The following IMMP2L variants were observed in gnomAD, a reference collection of about 807,000 sequenced individuals.
The protein encoded by IMMP2L is inner mitochondrial membrane peptidase subunit 2.
IMMP2L carries 18 observed loss-of-function variants against 19.3 expected under a neutral mutation model. The ratio of observed to expected loss-of-function variants is 0.93; its 90% CI spans 0.64 to 1.38. The LOEUF is 1.38. Ranked by LOEUF, IMMP2L falls within the 40% of genes most tolerant of loss-of-function variation. The pLI is 0.00. For missense variants in IMMP2L, 233 were observed against 218.2 expected (o/e 1.07, Z -0.43); for synonymous variants, 76 against 73.0 (o/e 1.04, Z -0.21).
At chr7:110,823,208 G>C (rs1238960091) in intron 5 of IMMP2L, among the ~76,000 whole-genome samples, 1 of 151,982 alleles carries the variant, frequency 6.6e-6, no homozygotes, top group African/African-American at 2.4e-5. Flanking sequence ...TATTCAAATT[G>C]AATTGACTTT....
At chr7:111,338,327 TC>T (rs989083256) in intron 3 of IMMP2L, among the ~76,000 whole-genome samples, 10 of 151,508 alleles carry the variant, frequency 6.6e-5, no homozygotes, top group Admixed American at 1.3e-4. Flanking sequence ...AGCACGTTCC[TC>T]CCCCCCTTTT....
At position 111,477,665 on chromosome 7, in the gene IMMP2L, G is replaced by A. The variant is rs183046104; in HGVS notation, c.239+9573C>T. Among the ~76,000 whole-genome samples, 419 of 152,140 alleles carry A rather than the reference G, an allele frequency of 2.8e-3. 3 individuals carry two copies. The highest frequency in any genetic ancestry group is 7.8e-3 in the African/African-American group (323 of 41,510). On this transcript the variant is annotated intron_variant, in intron 3 of 5. Transcript: ENST00000405709. ...TGTAATCTCAGCACTATGGGAGGCC[G>A]AGGCAGGCAGATCACCTGAGGTCAG...
At chr7:111,419,061 C>G (rs1458545231) in intron 3 of IMMP2L, among the ~76,000 whole-genome samples, 1 of 151,696 alleles carries the variant, frequency 6.6e-6, no homozygotes, top group East Asian at 1.9e-4. Flanking sequence ...AGGTGGAAAT[C>G]AAATCAAATG....
chr7:111,462,199 C>T (rs1006132730), intron 3 of IMMP2L, among the ~76,000 whole-genome samples: 5 of 151,988 alleles, frequency 3.3e-5, no homozygotes, highest in South Asian at 2.1e-4. Flanking sequence ...ATTATGTACA[C>T]ATGTCAATTT....
At chr7:111,473,271 C>A (rs1044525201) in intron 3 of IMMP2L, among the ~76,000 whole-genome samples, 15 of 152,056 alleles carry the variant, frequency 9.9e-5, no homozygotes, top group African/African-American at 3.4e-4. Flanking sequence ...TTTTCTTTGC[C>A]TGGCTGTTTG....
intron 3 of IMMP2L, among the ~76,000 whole-genome samples, chr7:111,016,812 TATATTATATATAA>T (rs558434195): frequency 0.15 from 13,014 of 85,232 alleles, 1,262 homozygotes; most frequent in East Asian, 0.27. Context: ...ATATATACTA[TATATTATATATAA>T]TATATAGTAT....
At chr7:111,491,301 T>C (rs1201056493) in intron 2 of IMMP2L, among the ~76,000 whole-genome samples, 1 of 152,120 alleles carries the variant, frequency 6.6e-6, no homozygotes, top group Non-Finnish European at 1.5e-5. Context: ...AGTAGTTAAG[T>C]TGTGGGGTGT....
In IMMP2L at chr7:111,272,738, T is replaced by C. The variant is rs144912321; in HGVS notation, c.239+214500A>G. Among the ~76,000 whole-genome samples the C allele has an allele frequency of 4.4e-3, 668 of 152,304 alleles. 3 individuals carry two copies. Among genetic ancestry groups the C allele is most frequent in the African/African-American group, 0.014 (599 of 41,580 alleles). Reference sequence around the variant, plus strand: ...CACAGGACATCCCCAACCTTTTCAATTGGGCTCACCTAGCCCTTTTCTTTG... The same window carrying C: ...CACAGGACATCCCCAACCTTTTCAACTGGGCTCACCTAGCCCTTTTCTTTG... On this transcript the variant is annotated intron_variant, in intron 3 of 5. Coordinates refer to ENST00000405709, the MANE Select transcript of IMMP2L (RefSeq NM_032549.4).
At chr7:111,159,624 G>C (rs925321731) in intron 3 of IMMP2L, among the ~76,000 whole-genome samples, 8 of 152,036 alleles carry the variant, frequency 5.3e-5, no homozygotes, top group African/African-American at 1.9e-4. Flanking sequence ...GGAATAGAAG[G>C]CCTGTGTTTT....
At chr7:110,706,213 C>A (rs1794669363) in intron 5 of IMMP2L, among the ~76,000 whole-genome samples, 1 of 152,094 alleles carries the variant, frequency 6.6e-6, no homozygotes, top group Admixed American at 6.6e-5. Flanking sequence ...AGGGATCCTT[C>A]TGCCTCAGCC....
At chr7:111,044,743 A>T (rs1792224574) in intron 3 of IMMP2L, among the ~76,000 whole-genome samples, 1 of 152,160 alleles carries the variant, frequency 6.6e-6, no homozygotes, top group Non-Finnish European at 1.5e-5. Flanking sequence ...AAACAAAGGA[A>T]CCAATTTGAT....
At chr7:111,160,087 T>C (rs937067805) in intron 3 of IMMP2L, among the ~76,000 whole-genome samples, 1 of 152,088 alleles carries the variant, frequency 6.6e-6, no homozygotes, top group African/African-American at 2.4e-5. Flanking sequence ...TTAAAACTGA[T>C]CAGTGATGAG....
chr7:111,026,105 C>T (rs1826786828), intron 3 of IMMP2L, among the ~76,000 whole-genome samples: 2 of 152,056 alleles, frequency 1.3e-5, no homozygotes, highest in Non-Finnish European at 1.5e-5. Context: ...TCAAGTAGGA[C>T]ACATTTTTAA....
intron 3 of IMMP2L, among the ~76,000 whole-genome samples, chr7:111,451,153 G>A (rs1308132434): frequency 6.9e-6 from 1 of 145,472 alleles, no homozygotes; most frequent in African/African-American, 2.7e-5. Context: ...TCAGTGTGGC[G>A]ATTTCTCAGG....
At chr7:110,936,353 GA>G (rs1225354744) in intron 4 of IMMP2L, among the ~76,000 whole-genome samples, 3 of 151,900 alleles carry the variant, frequency 2.0e-5, no homozygotes, top group African/African-American at 7.3e-5. Context: ...AAATTAACAA[GA>G]AAAAAACAAA....
intron 4 of IMMP2L, among the ~76,000 whole-genome samples, chr7:110,931,124 G>A (rs571982183): frequency 1.3e-5 from 2 of 152,250 alleles, no homozygotes; most frequent in South Asian, 4.1e-4. Flanking sequence ...TGGTGGAAAG[G>A]AGAACATATG....
At position 111,076,781 on chromosome 7, in the gene IMMP2L, C is replaced by T. The variant is rs1467960643; in HGVS notation, c.240-113216G>A. On this transcript the variant is annotated intron_variant, in intron 3 of 5. Coordinates refer to ENST00000405709, the MANE Select transcript of IMMP2L (RefSeq NM_032549.4). ...CAATGATGTTATTGTTTACTTAATG[C>T]ACCTACCCATCTCCAAGCTAAAGCC... Among the ~76,000 whole-genome samples the T allele has an allele frequency of 2.0e-5, 3 of 152,180 alleles. No homozygotes were observed. The South Asian group carries it at 6.2e-4, about 32-fold the overall frequency.
chr7:111,130,596 G>A (rs1801753126), intron 3 of IMMP2L, among the ~76,000 whole-genome samples: 1 of 152,022 alleles, frequency 6.6e-6, no homozygotes, highest in African/African-American at 2.4e-5. Context: ...GAGTGAGCTT[G>A]GAACATAAAT....
intron 3 of IMMP2L, among the ~76,000 whole-genome samples, chr7:111,449,175 T>C (rs955947650): frequency 1.2e-4 from 17 of 146,832 alleles, no homozygotes; most frequent in Admixed American, 8.1e-4. Context: ...TCCCAATCAA[T>C]AGAAAAAGAG....
Sources: allele counts gnomAD v4.1 joint callset (sites outside exome capture counted in the v4.1 genomes callset), GRCh38; gene constraint gnomAD v4.1.1; transcripts MANE v1.5; gene names NCBI Gene and HGNC (gene_info 2026-07-23, HGNC 2026-07-21).